The following HHATL variants were observed in gnomAD, a reference collection of about 807,000 sequenced individuals.
HHATL encodes the protein hedgehog acyltransferase like.
A neutral mutation model predicts 59.7 loss-of-function variants in HHATL; 49 were observed. The ratio of observed to expected loss-of-function variants is 0.82; its 90% CI spans 0.65 to 1.04. The LOEUF (loss-of-function observed/expected upper bound fraction) is 1.04. HHATL is among the 50% of genes least tolerant of loss of function. The pLI, the probability that HHATL is intolerant of heterozygous loss-of-function variation, is 0.00. For missense variants in HHATL, 605 were observed against 650.8 expected (o/e 0.93, Z 0.77); for synonymous variants, 238 against 257.3 (o/e 0.93, Z 0.72).
Position 42,699,048 on chromosome 3 carries a change from G to GT in HHATL, c.271dup (p.Thr91AsnfsTer80). On this transcript the variant is annotated frameshift_variant, in exon 4 of 12. Transcript: ENST00000441594. LOFTEE classifies it high-confidence loss of function. ...CCAGCTCACCTTTGGGGCAACCATC[G>GT]TGCAGAGTTTAGCAAACAGCACATG... 6.2e-7 allele frequency: 1 copy of GT among 1,614,156 alleles called. No homozygotes were observed. Among genetic ancestry groups the GT allele is most frequent in the Non-Finnish European group, 8.5e-7 (1 of 1,179,988 alleles).
chr3:42,692,692 T>C lies in HHATL; in HGVS notation c.*59A>G, dbSNP rs983982557. On this transcript the variant is annotated 3_prime_UTR_variant, in exon 12 of 12. Coordinates refer to ENST00000441594, the MANE Select transcript of HHATL (RefSeq NM_020707.4). ...GTAGAAAAGTCTTTTATTCTATCGGTCAGGCCCCATCTGGCCCAAGAATAG... is the reference window on the plus strand; with the variant it reads ...GTAGAAAAGTCTTTTATTCTATCGGCCAGGCCCCATCTGGCCCAAGAATAG... 6.2e-7 allele frequency: 1 copy of C among 1,612,976 alleles called. No homozygotes were observed. The highest frequency in any genetic ancestry group is 8.5e-7 in the Non-Finnish European group (1 of 1,179,310).
intron 2 of HHATL, 119 bp downstream of exon 2, chr3:42,700,602 T>G: frequency 1.6e-6 from 1 of 635,662 alleles, no homozygotes; most frequent in Non-Finnish European, 2.8e-6. Context: ...GATCCAGCCG[T>G]GTTCTAGAAG....
Position 42,697,006 on chromosome 3 carries a change from C to A in HHATL, c.1005G>T (p.Ala335=), listed in dbSNP as rs762439133. 6.2e-7 allele frequency: 1 copy of A among 1,608,076 alleles called. No homozygotes were observed. The change falls in exon 8 of 12, where the codon GCG becomes GCT. Residue 335 remains alanine, a synonymous_variant. Transcript: ENST00000441594. ...CCGTCCTGGCCAGCACTCACGTTTCCGCAAAGACGTAGAGTGCGGTGATGC... is the reference window on the plus strand; with the variant it reads ...CCGTCCTGGCCAGCACTCACGTTTCAGCAAAGACGTAGAGTGCGGTGATGC... ...PKCITALYVF[A]ETHFDRGIND...
At chr3:42,696,365 A>G (rs1559620636) in intron 9 of HHATL, among the ~76,000 whole-genome samples, 1 of 151,924 alleles carries the variant, frequency 6.6e-6, no homozygotes, top group Non-Finnish European at 1.5e-5. Context: ...AAAGCCTAAA[A>G]ACCACCTGCC....
chr3:42,696,161 T>C (rs1333315568), intron 9 of HHATL, among the ~76,000 whole-genome samples: 2 of 152,152 alleles, frequency 1.3e-5, no homozygotes, highest in Non-Finnish European at 2.9e-5. Context: ...GTCCCCACCA[T>C]GCCTGGATGG....
intron 10 of HHATL, 116 bp from the exon 11 acceptor site, chr3:42,693,334 C>G: frequency 7.5e-7 from 1 of 1,327,844 alleles, no homozygotes; most frequent in Non-Finnish European, 1.0e-6. Context: ...GTCTGGGTCT[C>G]GGAGAGCCCC....
chr3:42,697,133 T>C lies in HHATL; in HGVS notation c.878A>G (p.Tyr293Cys). ...CACCCAGTCATACACCAGGTTTGAA[T>C]AGGCTAGGCCAGCTGGGGGCAGGGC... ...LPDSALAGLA[Y>C]SNLVYDWVKA... Residue 293 changes from tyrosine to cysteine, a missense_variant, in exon 8 of 12, where the codon TAT (tyrosine) becomes TGT (cysteine). Tyr to Cys is a radical substitution (Grantham distance 194). Coordinates refer to ENST00000441594, the MANE Select transcript of HHATL (RefSeq NM_020707.4). The C allele has an allele frequency of 6.5e-7, 1 of 1,539,590 alleles. No homozygotes were observed. Among genetic ancestry groups the C allele is most frequent in the Non-Finnish European group, 8.8e-7 (1 of 1,141,420 alleles).
intron 2 of HHATL, 21 bp downstream of exon 2, chr3:42,700,700 G>A (rs545260882): frequency 6.4e-6 from 10 of 1,559,316 alleles, no homozygotes; most frequent in East Asian, 2.2e-5. Flanking sequence ...CTGTCCACCT[G>A]CCCCGGGGCA....
chr3:42,693,960 C>G (rs1207520684), intron 9 of HHATL, 142 bp from the exon 10 acceptor site: 3 of 660,000 alleles, frequency 4.5e-6, no homozygotes, highest in Non-Finnish European at 8.0e-6. Context: ...AGCAGCTCCT[C>G]CTCCAACCAA....
chr3:42,693,395 G>A (rs1332444310), intron 10 of HHATL, 177 bp from the exon 11 acceptor site: 5 of 838,274 alleles, frequency 6.0e-6, no homozygotes, highest in Non-Finnish European at 7.3e-6. Context: ...CCAGAGAGAG[G>A]ACAAGGCCTG....
Position 42,699,040 on chromosome 3 carries a change from C to A in HHATL, c.280G>T (p.Ala94Ser), listed in dbSNP as rs752986852. 5 of 1,614,140 alleles carry A rather than the reference C, an allele frequency of 3.1e-6. No individual in the cohort carries two copies. The highest frequency in any genetic ancestry group is 2.2e-5 in the South Asian group (2 of 91,088). The change falls in exon 4 of 12, where the codon GCC becomes TCC. Residue 94 changes from alanine to serine, a missense_variant. Physicochemically the swap from Ala to Ser is moderately conservative, Grantham distance 99. Coordinates refer to ENST00000441594, the MANE Select transcript of HHATL (RefSeq NM_020707.4). ...VLFAKLCTMV[A>S]PKLRSWMYAV... ...GCCCAGGTCCAGCTCACCTTTGGGG[C>A]AACCATCGTGCAGAGTTTAGCAAAC...
chr3:42,702,372 G>A (rs1575253931), intron 1 of HHATL, among the ~76,000 whole-genome samples: 2 of 152,346 alleles, frequency 1.3e-5, no homozygotes, highest in East Asian at 3.9e-4. Context: ...CAAGGAGCTG[G>A]CCCCCAGCCT....
Position 42,697,548 on chromosome 3 carries a change from G to T in HHATL, c.825C>A (p.Ser275Arg). ...GGAGGCGGTTGGCGAACTTGAGGTCGCTGGGGATAGTGAGGATGTAGAAGA... is the reference window on the plus strand; with the variant it reads ...GGAGGCGGTTGGCGAACTTGAGGTCTCTGGGGATAGTGAGGATGTAGAAGA... ...FHFFYILTIP[S>R]DLKFANRLPD... Residue 275 changes from serine to arginine, a missense_variant, in exon 7 of 12, where the codon AGC (serine) becomes AGA (arginine). Physicochemically the swap from Ser to Arg is moderately radical, Grantham distance 110 (BLOSUM62 -1). Transcript: ENST00000441594. 3 of 1,614,032 alleles carry T rather than the reference G, an allele frequency of 1.9e-6. No individual in the cohort carries two copies. The highest frequency in any genetic ancestry group is 1.1e-5 in the South Asian group (1 of 91,076).
Position 42,702,710 on chromosome 3 carries a change from C to T in HHATL, c.-145G>A, listed in dbSNP as rs1343909120. ...GGTGTGTCCAGCCCTGGGGTCCCCA[C>T]CCCCTTGAGGTTATGAGCGGTGAGT... On this transcript the variant is annotated 5_prime_UTR_variant, in exon 1 of 12. The change creates a new upstream start codon in the 5' untranslated region. Transcript: ENST00000441594. 1.3e-5 allele frequency: 2 copies of T among 153,010 alleles called. No homozygotes were observed. Among genetic ancestry groups the T allele is most frequent in the Admixed American group, 6.5e-5 (1 of 15,292 alleles). 9.5% of individuals were successfully genotyped at this position (153,010 alleles called of 1,614,324 possible). A position where few individuals can be genotyped will look rare whatever the true frequency, so the allele number is the denominator to read the frequency against.
chr3:42,698,187 G>C lies in HHATL; in HGVS notation c.648C>G (p.Phe216Leu). 1 of 1,614,244 alleles carries C rather than the reference G, an allele frequency of 6.2e-7. No homozygotes were observed. Among genetic ancestry groups the C allele is most frequent in the Non-Finnish European group, 8.5e-7 (1 of 1,180,036 alleles). ...DLLKYNFYLP[F>L]FFFGPIMTFD... ...AGGTCATGATGGGCCCGAAGAAGAA[G>C]AAGGGCAGGTAGAAGTTGTACTTGA... Residue 216 changes from phenylalanine (F) to leucine (L), a missense_variant, in exon 6 of 12, where the codon TTC becomes TTG. By Grantham distance (22) the Phe-to-Leu change is conservative. Transcript: ENST00000441594.
At position 42,700,995 on chromosome 3, in the gene HHATL, C is replaced by T. The variant is rs912097567; in HGVS notation, c.-13-156G>A. ...CATCACTCTGCCTGCCCCTGTGCCCCCCACAGTTCACAGGCCACCGAACAC... is the reference window on the plus strand; with the variant it reads ...CATCACTCTGCCTGCCCCTGTGCCCTCCACAGTTCACAGGCCACCGAACAC... On this transcript the variant is annotated intron_variant, in intron 1 of 11. Transcript: ENST00000441594. 7 of 601,740 alleles carry T rather than the reference C, an allele frequency of 1.2e-5. No homozygotes were observed. The East Asian group carries it at 1.9e-4, about 17-fold the overall frequency. The allele number at this position is 601,740 out of a possible 1,614,324, so 37.3% of individuals were successfully genotyped here.
chr3:42,699,930 C>G, intron 2 of HHATL, 105 bp from the exon 3 acceptor site: 1 of 837,692 alleles, frequency 1.2e-6, no homozygotes, highest in Non-Finnish European at 1.9e-6. Context: ...GCATCAGGAA[C>G]GGGGCACGGG....
rs757231489 is a variant in HHATL at position 42,692,779 on chromosome 3, T to C, written c.1487A>G (p.Gln496Arg). The C allele has an allele frequency of 1.2e-6, 2 of 1,614,248 alleles. No homozygotes were observed. The highest frequency in any genetic ancestry group is 1.7e-6 in the Non-Finnish European group (2 of 1,180,044). The change falls in exon 12 of 12, where the codon CAG (glutamine) becomes CGG (arginine). Residue 496 changes from glutamine to arginine, a missense_variant. By Grantham distance (43) the Gln-to-Arg change is conservative. Transcript: ENST00000441594. Reference protein sequence around the residue: ...RERTLALEEEQKQDKEKPE With the variant: ...RERTLALEEERKQDKEKPE ...CTCCGGCTTCTCTTTGTCCTGCTTC[T>C]GCTCCTCCTCCAGTGCCAAGGTTCG... is the stretch of plus-strand genomic sequence containing the variant.
At chr3:42,693,339 AG>A in intron 10 of HHATL, 121 bp from the exon 11 acceptor site, 1 of 1,289,196 alleles carries the variant, frequency 7.8e-7, no homozygotes, top group Non-Finnish European at 1.1e-6. Flanking sequence ...GGTCTCGGAG[AG>A]CCCCAGGTCA....
Sources: gnomAD v4.1 joint callset for allele counts (sites outside exome capture counted in the v4.1 genomes callset) on GRCh38, gnomAD v4.1.1 for gene constraint, MANE v1.5 for transcripts, NCBI Gene and HGNC (gene_info 2026-07-23, HGNC 2026-07-21) for gene names.